PCSK9: variants seen among roughly 807,000 people sequenced by gnomAD.
PCSK9 encodes proprotein convertase subtilisin/kexin type 9.
A neutral mutation model predicts 62.1 loss-of-function variants in PCSK9; 57 were observed. The ratio of observed to expected loss-of-function variants is 0.92; its 90% CI spans 0.74 to 1.14. The LOEUF (loss-of-function observed/expected upper bound fraction) is 1.14. Among genes scored for constraint, PCSK9 ranks in the 50% most tolerant of loss-of-function variants. PCSK9 has a pLI of 0.00. For synonymous variants in PCSK9, 387 were observed against 409.4 expected (o/e 0.95, Z 0.66); for missense variants, 870 against 959.8 (o/e 0.91, Z 1.24).
Position 55,058,385 on chromosome 1 carries a change from A to G in PCSK9, c.1355-114A>G. The G allele has an allele frequency of 1.2e-5, 19 of 1,555,456 alleles. No individual in the cohort carries two copies. In the South Asian group the frequency reaches 2.1e-4, roughly 18 times the overall value. On this transcript the variant is annotated intron_variant, in intron 8 of 11. Coordinates refer to ENST00000302118, the MANE Select transcript of PCSK9 (RefSeq NM_174936.4). ...CAATATTTTCATAACGTGTTTTTAT[A>G]GAGACAGTTGAGTATGTTCTTTAAG... is the stretch of plus-strand genomic sequence containing the variant.
At chr1:55,051,307 T>C (rs1186177335) in intron 3 of PCSK9, 1 of 416,352 alleles carries the variant, frequency 2.4e-6, no homozygotes, top group Non-Finnish European at 4.8e-6. Flanking sequence ...GGCTGCCCTC[T>C]GATTCCACCT....
In PCSK9 at chr1:55,063,486, G is replaced by A. The variant is rs375541628; in HGVS notation, c.1981G>A (p.Val661Ile). 21 of 1,613,998 alleles carry A rather than the reference G, an allele frequency of 1.3e-5. No homozygotes were observed. The highest frequency in any genetic ancestry group is 4.5e-5 in the East Asian group (2 of 44,886). Reference protein sequence around the residue: ...DNTCVVRSRDVSTTGSTSEGA... With the variant: ...DNTCVVRSRDISTTGSTSEGA... ...CACGTGTGTAGTCAGGAGCCGGGAC[G>A]TCAGCACTACAGGCAGCACCAGCGA... The change falls in exon 12 of 12, where the codon GTC (valine) becomes ATC (isoleucine). Residue 661 changes from valine (V) to isoleucine (I), a missense_variant. Transcript: ENST00000302118.
chr1:55,055,246 A>AGC (rs1557505120), intron 5 of PCSK9, among the ~76,000 whole-genome samples: 1 of 151,784 alleles, frequency 6.6e-6, no homozygotes. Context: ...GGCAGCCAAG[A>AGC]CTCTGTTCAA....
chr1:55,052,949 T>TC (rs1372491902), intron 5 of PCSK9, among the ~76,000 whole-genome samples, 158 bp downstream of exon 5: 1 of 151,986 alleles, frequency 6.6e-6, no homozygotes, highest in Non-Finnish European at 1.5e-5. Flanking sequence ...CTGGCAGGGT[T>TC]CCCAGTGGCC....
Position 55,063,449 on chromosome 1 carries a change from C to A in PCSK9, c.1944C>A (p.Tyr648Ter), listed in dbSNP as rs138178437. 4 of 1,614,080 alleles carry A rather than the reference C, an allele frequency of 2.5e-6. No homozygotes were observed. The highest frequency in any genetic ancestry group is 3.4e-6 in the Non-Finnish European group (4 of 1,179,998). ...GGACCTCCCACGTCCTGGGGGCCTA[C>A]GCCGTAGACAACACGTGTGTAGTCA... is the stretch of plus-strand genomic sequence containing the variant. ...LPGTSHVLGA[Y>*]AVDNTCVVRS... Residue 648 changes from tyrosine to a stop codon, truncating the protein, a stop_gained, in exon 12 of 12, where the codon TAC (tyrosine) becomes TAA (stop). Transcript: ENST00000302118. LOFTEE classifies it low-confidence loss of function (END_TRUNC).
At chr1:55,054,884 A>G (rs998718532) in intron 5 of PCSK9, among the ~76,000 whole-genome samples, 4 of 152,162 alleles carry the variant, frequency 2.6e-5, no homozygotes, top group Admixed American at 6.5e-5. Context: ...AGGCGCCTGT[A>G]GTCCCAGCTA....
chr1:55,058,681 GT>G (rs1644735820), intron 9 of PCSK9, 34 bp downstream of exon 9: 1 of 276,346 alleles, frequency 3.6e-6, no homozygotes. Context: ...GTGTGTGTGT[GT>G]GTGTGTGTGT....
chr1:55,058,372 A>G (rs1644732183), intron 8 of PCSK9, 127 bp from the exon 9 acceptor site: 2 of 1,537,614 alleles, frequency 1.3e-6, no homozygotes, highest in East Asian at 4.5e-5. Context: ...ATATTTTCAT[A>G]ACGTGTTTTT....
intron 1 of PCSK9, among the ~76,000 whole-genome samples, chr1:55,043,601 G>A (rs796380484): frequency 1.3e-5 from 2 of 152,342 alleles, no homozygotes; most frequent in African/African-American, 2.4e-5. Flanking sequence ...AGTGTGGCCC[G>A]TAGTTCCCAT....
chr1:55,045,398 G>C (rs937550938), intron 2 of PCSK9, among the ~76,000 whole-genome samples: 3 of 152,110 alleles, frequency 2.0e-5, no homozygotes, highest in Non-Finnish European at 1.5e-5. Flanking sequence ...ATAATAATTG[G>C]AACATTCATT....
chr1:55,046,410 C>G (rs1407970547), intron 2 of PCSK9, 113 bp from the exon 3 acceptor site: 7 of 1,508,828 alleles, frequency 4.6e-6, no homozygotes, highest in South Asian at 3.4e-5. Flanking sequence ...AGGTGGGAGG[C>G]TGCTGGGCTG....
chr1:55,056,243 GCGGA>G, intron 6 of PCSK9, 54 bp downstream of exon 6: 1 of 1,073,396 alleles, frequency 9.3e-7, no homozygotes, highest in African/African-American at 1.7e-5. Context: ...AGGGCGGAGG[GCGGA>G]GGGAGGGCGG....
At position 55,063,640 on chromosome 1, in the gene PCSK9, A is replaced by G; in HGVS notation, c.*56A>G. ...GGGTCAAGGGCTGGGGCTGAGCTTT[A>G]AAATGGTTCCGACTTGTCCCTCTCT... On this transcript the variant is annotated 3_prime_UTR_variant, in exon 12 of 12. Transcript: ENST00000302118. The G allele has an allele frequency of 6.4e-7, 1 of 1,556,154 alleles. No individual in the cohort carries two copies. The highest frequency in any genetic ancestry group is 8.7e-7 in the Non-Finnish European group (1 of 1,147,592).
chr1:55,040,291 A>G lies in PCSK9; in HGVS notation c.207+247A>G, dbSNP rs562305231. Among the ~76,000 whole-genome samples, 1 of 152,218 alleles carries G rather than the reference A, an allele frequency of 6.6e-6. No homozygotes were observed. The highest frequency in any genetic ancestry group is 1.9e-4 in the East Asian group (1 of 5,166). On this transcript the variant is annotated intron_variant, in intron 1 of 11. Transcript: ENST00000302118. The surrounding 1 kb of genome is among the most constrained non-coding windows in gnomAD (Gnocchi z 4.1). The stretch of plus-strand genomic sequence containing the variant: ...ACTTGCTGGGGCGTGCGGCTGCGCT[A>G]TTCAGTGGGAAGGTTCGCGGGGTTG...
intron 5 of PCSK9, among the ~76,000 whole-genome samples, chr1:55,053,842 G>C (rs951419867): frequency 1.3e-5 from 2 of 152,182 alleles, no homozygotes; most frequent in African/African-American, 4.8e-5. Context: ...TGTGTGGAGG[G>C]GAGGCTGTTC....
Position 55,062,666 on chromosome 1 carries a change from T to C in PCSK9, c.1864-703T>C, listed in dbSNP as rs1044886115. Reference sequence around the variant, plus strand: ...CAAAGCAAAGGCCCCCAGGTGGGGATGTGCAGGGAGTACCAGGAAACCAGA... The same window carrying C: ...CAAAGCAAAGGCCCCCAGGTGGGGACGTGCAGGGAGTACCAGGAAACCAGA... On this transcript the variant is annotated intron_variant, in intron 11 of 11. Coordinates refer to ENST00000302118, the MANE Select transcript of PCSK9 (RefSeq NM_174936.4). 3.9e-5 allele frequency among the ~76,000 whole-genome samples: 6 copies of C among 152,076 alleles called. No homozygotes were observed. The East Asian group carries it at 9.7e-4, about 25-fold the overall frequency.
chr1:55,058,278 C>T, intron 8 of PCSK9, 69 bp downstream of exon 8: 1 of 1,548,552 alleles, frequency 6.5e-7, no homozygotes, highest in East Asian at 2.3e-5. Flanking sequence ...TTGACAGTCT[C>T]TCCCTTCTCC....
chr1:55,042,150 T>C (rs1023665955), intron 1 of PCSK9, among the ~76,000 whole-genome samples: 4 of 152,084 alleles, frequency 2.6e-5, no homozygotes, highest in African/African-American at 9.7e-5. Context: ...TTTCACCACG[T>C]TGGCCAGGCT....
chr1:55,048,797 C>G (rs557623104), intron 3 of PCSK9, among the ~76,000 whole-genome samples: 1 of 152,350 alleles, frequency 6.6e-6, no homozygotes, highest in African/African-American at 2.4e-5. Flanking sequence ...AATGATAACC[C>G]TCACTCTGGG....
Sources: allele counts gnomAD v4.1 joint callset (sites outside exome capture counted in the v4.1 genomes callset), GRCh38; gene constraint gnomAD v4.1.1; non-coding constraint Gnocchi (gnomAD v3.1); transcripts MANE v1.5; gene names NCBI Gene and HGNC (gene_info 2026-07-23, HGNC 2026-07-21).